The following SEM1 variants were observed in gnomAD, a reference collection of about 807,000 sequenced individuals.
SEM1 encodes SEM1 26S proteasome subunit, also known as 26S proteasome complex subunit SEM1.
In SEM1, 3 loss-of-function variants were observed where a neutral mutation model predicts 12.7. The ratio of observed to expected loss-of-function variants is 0.24; its 90% CI spans 0.11 to 0.61. The LOEUF is 0.61. Among genes scored for constraint, SEM1 ranks in the 20% least tolerant of loss-of-function variants. The probability of loss-of-function intolerance (pLI) is 0.88; values close to 1 mark genes in which losing one functional copy is unlikely to be tolerated. For missense variants in SEM1, 59 were observed against 81.3 expected, an observed-to-expected ratio of 0.73 and a Z score of 1.06; for synonymous variants, 30 against 27.8, an observed-to-expected ratio of 1.08 and a Z score of -0.25.
chr7:96,567,202 A>G (rs1805867663), intron 2 of SEM1, among the ~76,000 whole-genome samples: 1 of 151,602 alleles, frequency 6.6e-6, no homozygotes, highest in Admixed American at 6.6e-5. Flanking sequence ...TATCCAATAA[A>G]AGGTATATCA....
chr7:96,501,312 T>C (rs945215415), upstream of SEM1, among the ~76,000 whole-genome samples: 1 of 152,168 alleles, frequency 6.6e-6, no homozygotes, highest in African/African-American at 2.4e-5. Context: ...GGTTTTAAAA[T>C]GTTTTCTCAC....
At chr7:96,485,536 C>CTTTTTTTTT (rs61088450) in intron 2 of SEM1, among the ~76,000 whole-genome samples, 12 of 76,700 alleles carry the variant, frequency 1.6e-4, no homozygotes, top group Non-Finnish European at 2.1e-4. Context: ...TCTCTACATT[C>CTTTTTTTTT]TTTTTTTTTT....
At chr7:96,568,238 A>AT (rs57641153) in intron 2 of SEM1, among the ~76,000 whole-genome samples, 8 of 151,318 alleles carry the variant, frequency 5.3e-5, no homozygotes, top group Admixed American at 5.3e-4. Context: ...AATGTCAACC[A>AT]TTTTTTTTAG....
chr7:96,582,371 TG>T (rs2116065473), intron 2 of SEM1, among the ~76,000 whole-genome samples: 1 of 150,560 alleles, frequency 6.6e-6, no homozygotes, highest in East Asian at 2.0e-4. Flanking sequence ...GGATTCTGTT[TG>T]CCAGTATTTT....
At chr7:96,574,435 C>T (rs1270658969) in intron 2 of SEM1, among the ~76,000 whole-genome samples, 1 of 152,120 alleles carries the variant, frequency 6.6e-6, no homozygotes, top group Non-Finnish European at 1.5e-5. Flanking sequence ...ATTTATAATC[C>T]TTTGGGTATA....
intron 2 of SEM1, among the ~76,000 whole-genome samples, chr7:96,552,430 A>C (rs78530553): frequency 0.6 from 90,471 of 149,880 alleles, 28,241 homozygotes; most frequent in Non-Finnish European, 0.69. Context: ...TATGAGTGAG[A>C]ATATGCGGTG....
intron 2 of SEM1, among the ~76,000 whole-genome samples, chr7:96,577,072 G>A (rs574540241): frequency 1.3e-4 from 19 of 151,596 alleles, no homozygotes; most frequent in East Asian, 1.2e-3. Context: ...AGCTGAGATT[G>A]CACCACTGCA....
downstream of SEM1, among the ~76,000 whole-genome samples, chr7:96,617,574 G>A (rs1490853344): frequency 1.3e-5 from 2 of 152,138 alleles, no homozygotes; most frequent in Non-Finnish European, 2.9e-5. Flanking sequence ...CCAGTACTGT[G>A]TTGGATAAGA....
At chr7:96,645,004 CAT>C (rs1563095580) in intron 2 of SEM1, among the ~76,000 whole-genome samples, 1 of 152,048 alleles carries the variant, frequency 6.6e-6, no homozygotes, top group Non-Finnish European at 1.5e-5. Context: ...ACATTTATAA[CAT>C]AGAAAATATA....
At chr7:96,557,329 C>G (rs1435789568) in intron 2 of SEM1, among the ~76,000 whole-genome samples, 1 of 144,344 alleles carries the variant, frequency 6.9e-6, no homozygotes, top group African/African-American at 2.5e-5. Context: ...GTTTTATCTA[C>G]TTTTGGTCTT....
At chr7:96,641,510 T>C (rs929683887) in intron 2 of SEM1, among the ~76,000 whole-genome samples, 3 of 152,060 alleles carry the variant, frequency 2.0e-5, no homozygotes, top group African/African-American at 7.2e-5. Flanking sequence ...GAATATACCC[T>C]TCTTTACATC....
intron 2 of SEM1, among the ~76,000 whole-genome samples, chr7:96,596,294 A>G (rs1182834093): frequency 6.6e-6 from 1 of 152,206 alleles, no homozygotes; most frequent in Non-Finnish European, 1.5e-5. Context: ...CATGGCAGTA[A>G]TATATGGCCA....
At chr7:96,605,087 A>G (rs1188720264) in intron 2 of SEM1, among the ~76,000 whole-genome samples, 1 of 152,214 alleles carries the variant, frequency 6.6e-6, no homozygotes, top group Admixed American at 6.5e-5. Context: ...ATGTGGATTA[A>G]ATAAGTTAAC....
At chr7:96,575,243 A>G (rs1584776177) in intron 2 of SEM1, among the ~76,000 whole-genome samples, 1 of 152,126 alleles carries the variant, frequency 6.6e-6, no homozygotes, top group Non-Finnish European at 1.5e-5. Context: ...GGTCTGCTGA[A>G]GTTTGCTGGA....
At chr7:96,530,548 G>T (rs967803344) in intron 2 of SEM1, among the ~76,000 whole-genome samples, 2 of 152,112 alleles carry the variant, frequency 1.3e-5, no homozygotes, top group African/African-American at 4.8e-5. Context: ...CCAGGAATTT[G>T]CCTGGAAGTC....
intron 2 of SEM1, among the ~76,000 whole-genome samples, chr7:96,657,250 G>A (rs1263559159): frequency 6.6e-6 from 1 of 152,178 alleles, no homozygotes; most frequent in Non-Finnish European, 1.5e-5. Context: ...TCTAAATTGA[G>A]GGTGGCTTAC....
chr7:96,484,807 A>C (rs1409830699), intron 3 of SEM1: 1 of 1,277,496 alleles, frequency 7.8e-7, no homozygotes, highest in Non-Finnish European at 1.0e-6. Flanking sequence ...ATATCCATTT[A>C]TATCTTTGTT....
intron 2 of SEM1, among the ~76,000 whole-genome samples, chr7:96,602,629 A>G (rs1237453352): frequency 6.6e-6 from 1 of 152,152 alleles, no homozygotes; most frequent in Non-Finnish European, 1.5e-5. Context: ...GAGCAAATCT[A>G]GTTTTTCCCC....
intron 2 of SEM1, among the ~76,000 whole-genome samples, chr7:96,658,362 T>C (rs937408790): frequency 6.6e-6 from 1 of 152,216 alleles, no homozygotes; most frequent in Non-Finnish European, 1.5e-5. Context: ...TCAGAAATGC[T>C]TGGAAAATGC....
Sources: gnomAD v4.1 joint callset for allele counts (sites outside exome capture counted in the v4.1 genomes callset) on GRCh38, gnomAD v4.1.1 for gene constraint, MANE v1.5 for transcripts, NCBI Gene and HGNC (gene_info 2026-07-23, HGNC 2026-07-21) for gene names.